ACACA: variants seen among roughly 807,000 people sequenced by gnomAD.
ACACA encodes the protein acetyl-CoA carboxylase alpha.
A neutral mutation model predicts 296.1 loss-of-function variants in ACACA; 103 were observed. That is an observed-to-expected ratio of 0.35 (90% CI 0.30 to 0.41). The LOEUF (loss-of-function observed/expected upper bound fraction) is 0.41. Among genes scored for constraint, ACACA ranks in the 10% least tolerant of loss-of-function variants. The pLI is 1.00. For synonymous variants in ACACA, 953 were observed against 1,038.6 expected (o/e 0.92, Z 1.58); for missense variants, 1,554 against 2,989.7 (o/e 0.52, Z 11.20).
intron 3 of ACACA, among the ~76,000 whole-genome samples, chr17:37,302,295 C>T (rs2083659533): frequency 6.6e-6 from 1 of 151,402 alleles, no homozygotes. Flanking sequence ...CTGCAACCTC[C>T]ACCTCCCGGG....
At chr17:37,349,561 C>CTT (rs71135708) in intron 1 of ACACA, among the ~76,000 whole-genome samples, 34 of 134,862 alleles carry the variant, frequency 2.5e-4, no homozygotes, top group Admixed American at 5.3e-4. Flanking sequence ...ATATATATAG[C>CTT]TTTTTTTTTT....
Position 37,275,384 on chromosome 17 carries a change from C to G in ACACA, c.901+567G>C, listed in dbSNP as rs548386799. 4.7e-5 allele frequency among the ~76,000 whole-genome samples: 7 copies of G among 150,414 alleles called. No homozygotes were observed. In the South Asian group the frequency reaches 8.4e-4, roughly 18 times the overall value. On this transcript the variant is annotated intron_variant, in intron 8 of 55. Transcript: ENST00000616317. ...TGGTGGCGGGTGCCTGTAATCCCAGCTACTCGGGAGGCTGAGGCAGAGAAT... is the reference window on the plus strand; with the variant it reads ...TGGTGGCGGGTGCCTGTAATCCCAGGTACTCGGGAGGCTGAGGCAGAGAAT...
Position 37,339,860 on chromosome 17 carries a change from A to AAAAC in ACACA, c.39-11_39-10insGTTT, listed in dbSNP as rs58285057. ...CCACTTCCAAAAAGACCTAGAGAGA[A>AAAAC]AGAGAAAGATTTTAAGGTTTTTTTT... is the stretch of plus-strand genomic sequence containing the variant. On this transcript the variant is annotated splice_polypyrimidine_tract_variant and intron_variant, in intron 1 of 55. Transcript: ENST00000616317. The AAAAC allele has an allele frequency of 7.9e-7, 1 of 1,273,202 alleles. No individual in the cohort carries two copies. The allele number at this position is 1,273,202 out of a possible 1,614,324, so 78.9% of individuals were successfully genotyped here.
chr17:37,390,304 T>TTTTATATA lies in ACACA; in HGVS notation c.38+15957_38+15958insTATATAAA, dbSNP rs1201500381. On this transcript the variant is annotated intron_variant, in intron 1 of 55. Transcript: ENST00000616317. ...ATATATAATTATATATTATACATAA[T>TTTTATATA]TATATATATATATATATATATATAT... Among the ~76,000 whole-genome samples the TTTTATATA allele has an allele frequency of 1.1e-4, 2 of 17,988 alleles. 1 individual carries two copies. The highest frequency in any genetic ancestry group is 7.6e-4 in the African/African-American group (2 of 2,618). 11.8% of individuals were successfully genotyped at this position (17,988 alleles called of 152,430 possible).
At chr17:37,224,833 G>C (rs2079465510) in intron 27 of ACACA, among the ~76,000 whole-genome samples, 159 bp downstream of exon 27, 2 of 151,852 alleles carry the variant, frequency 1.3e-5, no homozygotes, top group African/African-American at 4.8e-5. Flanking sequence ...ATATTCATAA[G>C]TATAAATCAT....
At chr17:37,193,934 A>G (rs2077874038) in intron 35 of ACACA, among the ~76,000 whole-genome samples, 1 of 152,194 alleles carries the variant, frequency 6.6e-6, no homozygotes, top group African/African-American at 2.4e-5. Context: ...ATGAAGAAAA[A>G]TATAAGATTC....
At chr17:37,149,440 C>T (rs1025780639) in intron 45 of ACACA, among the ~76,000 whole-genome samples, 1 of 152,206 alleles carries the variant, frequency 6.6e-6, no homozygotes, top group Non-Finnish European at 1.5e-5. Flanking sequence ...CAGCTGGAAT[C>T]AGAGACAGCT....
chr17:37,260,288 ATATATATATTTTTTT>A (rs1182017023), intron 11 of ACACA, among the ~76,000 whole-genome samples: 362 of 24,054 alleles, frequency 0.015, 21 homozygotes, highest in East Asian at 0.083. Context: ...ATATATATAT[ATATATATATTTTTTT>A]TTTTTTTTTT....
chr17:37,133,640 A>G (rs1479629761), intron 45 of ACACA, among the ~76,000 whole-genome samples: 1 of 152,258 alleles, frequency 6.6e-6, no homozygotes, highest in Non-Finnish European at 1.5e-5. Flanking sequence ...TTCATGAAGT[A>G]GGTGAGCTGC....
At chr17:37,285,994 C>T (rs1402585287) in intron 3 of ACACA, among the ~76,000 whole-genome samples, 1 of 152,112 alleles carries the variant, frequency 6.6e-6, no homozygotes, top group Non-Finnish European at 1.5e-5. Flanking sequence ...CAGGTTCAAG[C>T]GATGCTCCTG....
At chr17:37,390,872 T>C (rs1189112167) in intron 1 of ACACA, among the ~76,000 whole-genome samples, 1 of 151,702 alleles carries the variant, frequency 6.6e-6, no homozygotes, top group Non-Finnish European at 1.5e-5. Context: ...TAGTCCAGAA[T>C]AGAATTAGAG....
At chr17:37,274,506 C>T (rs2082194762) in intron 8 of ACACA, 1 of 729,512 alleles carries the variant, frequency 1.4e-6, no homozygotes, top group African/African-American at 1.9e-5. Flanking sequence ...TTAACGCTGG[C>T]AAAAGCCAGC....
At chr17:37,338,714 G>A (rs1339655615) in intron 2 of ACACA, among the ~76,000 whole-genome samples, 5 of 147,572 alleles carry the variant, frequency 3.4e-5, no homozygotes, top group South Asian at 2.2e-4. Flanking sequence ...CAAGGTGAGC[G>A]GATCACCTGA....
chr17:37,202,105 G>A (rs144000660), intron 33 of ACACA, among the ~76,000 whole-genome samples: 3 of 152,176 alleles, frequency 2.0e-5, no homozygotes, highest in East Asian at 1.9e-4. Context: ...AAAATGTGTC[G>A]AAGGAAAGGA....
At position 37,263,854 on chromosome 17, in the gene ACACA, C is replaced by G. The variant is rs2081623041; in HGVS notation, c.1160G>C (p.Arg387Thr). 6.2e-7 allele frequency: 1 copy of G among 1,613,892 alleles called. No individual in the cohort carries two copies. The highest frequency in any genetic ancestry group is 8.5e-7 in the Non-Finnish European group (1 of 1,179,998). Residue 387 changes from arginine to threonine, a missense_variant, in exon 11 of 56, where the codon AGA (arginine) becomes ACA (threonine). Physicochemically the swap from Arg to Thr is moderately conservative, Grantham distance 71. Coordinates refer to ENST00000616317, the MANE Select transcript of ACACA (RefSeq NM_198834.3). ...CAGATGACGAGATTGTTTGGCTAGT[C>G]TCATCACAAATATGGGAGATCCAGG... Reference protein sequence around the residue: ...EVPGSPIFVMRLAKQSRHLEV... With the variant: ...EVPGSPIFVMTLAKQSRHLEV...
chr17:37,233,150 TGCA>T (rs2079942233), intron 25 of ACACA, among the ~76,000 whole-genome samples: 1 of 152,180 alleles, frequency 6.6e-6, no homozygotes, highest in Non-Finnish European at 1.5e-5. Flanking sequence ...CCAACGCCTC[TGCA>T]GCACCCCCCG....
intron 29 of ACACA, among the ~76,000 whole-genome samples, chr17:37,211,320 G>A (rs1251514081): frequency 6.6e-6 from 1 of 152,082 alleles, no homozygotes; most frequent in African/African-American, 2.4e-5. Context: ...TATAAAGAAT[G>A]TGCCAAATCA....
chr17:37,193,485 G>C, intron 35 of ACACA, 70 bp from the exon 36 acceptor site: 2 of 1,213,846 alleles, frequency 1.6e-6, no homozygotes, highest in Middle Eastern at 2.0e-4. Context: ...AAACAGTATA[G>C]AAACAGTTAA....
intron 41 of ACACA, among the ~76,000 whole-genome samples, chr17:37,177,152 C>G (rs2077147133): frequency 6.6e-6 from 1 of 152,002 alleles, no homozygotes; most frequent in Non-Finnish European, 1.5e-5. Context: ...GGCTCCTATA[C>G]TAGATCTACT....
Sources: gnomAD v4.1 joint callset for allele counts (sites outside exome capture counted in the v4.1 genomes callset) on GRCh38, gnomAD v4.1.1 for gene constraint, MANE v1.5 for transcripts, NCBI Gene and HGNC (gene_info 2026-07-23, HGNC 2026-07-21) for gene names.